ITGA6: variants seen among roughly 807,000 people sequenced by gnomAD.
ITGA6 encodes the protein integrin alpha-6.
A neutral mutation model predicts 133.6 loss-of-function variants in ITGA6; 63 were observed. That is an observed-to-expected ratio of 0.47 (90% CI 0.38 to 0.58). ITGA6 has a LOEUF of 0.58. Ranked by LOEUF, ITGA6 falls within the 20% of genes least tolerant of loss-of-function variation. The pLI is 0.00. For synonymous variants in ITGA6, 434 were observed against 482.0 expected, an observed-to-expected ratio of 0.90 and a Z score of 1.30; for missense variants, 1,068 against 1,309.4, an observed-to-expected ratio of 0.82 and a Z score of 2.85.
rs1685110534 is a variant in ITGA6, at chr2:172,454,043, G to A, written c.183-11496G>A. On this transcript the variant is annotated intron_variant, in intron 1 of 25. Coordinates refer to ENST00000684293, the MANE Select transcript of ITGA6 (RefSeq NM_000210.4). ...GGCAAATGATAATTATAAGAGATGGGACCTGAACTAGCCTGGAAAGTGGGA... is the reference window on the plus strand; with the variant it reads ...GGCAAATGATAATTATAAGAGATGGAACCTGAACTAGCCTGGAAAGTGGGA... Among the ~76,000 whole-genome samples the A allele has an allele frequency of 2.0e-5, 3 of 151,840 alleles. No individual in the cohort carries two copies. The South Asian group carries it at 6.2e-4, about 32-fold the overall frequency.
At chr2:172,472,871 G>A (rs1686005520) in intron 5 of ITGA6, 2 of 1,605,136 alleles carry the variant, frequency 1.2e-6, no homozygotes, top group Admixed American at 1.7e-5. Flanking sequence ...TCCCTGATGT[G>A]ATGATGAATA....
chr2:172,501,922 A>C (rs1195992188), intron 25 of ITGA6, 21 bp downstream of exon 25: 9 of 1,603,798 alleles, frequency 5.6e-6, no homozygotes, highest in East Asian at 2.2e-5. Flanking sequence ...AATGTTTTTT[A>C]ATTGCTAGCT....
chr2:172,453,478 C>T lies in ITGA6; in HGVS notation c.183-12061C>T, dbSNP rs990735489. Among the ~76,000 whole-genome samples, 8 of 152,242 alleles carry T rather than the reference C, an allele frequency of 5.3e-5. No individual in the cohort carries two copies. In the South Asian group the frequency reaches 6.2e-4, roughly 12 times the overall value. ...AGGTGGTTGCAGTGAGCCATGATTA[C>T]GCACTGCCCTCCAGCCTGGGCAACA... On this transcript the variant is annotated intron_variant, in intron 1 of 25. Transcript: ENST00000684293.
Position 172,442,016 on chromosome 2 carries a change from A to G in ITGA6, c.182+14046A>G, listed in dbSNP as rs549157044. Among the ~76,000 whole-genome samples, 5 of 152,306 alleles carry G rather than the reference A, an allele frequency of 3.3e-5. No individual in the cohort carries two copies. The South Asian group carries it at 1.0e-3, about 32-fold the overall frequency. On this transcript the variant is annotated intron_variant, in intron 1 of 25. Transcript: ENST00000684293. Reference sequence around the variant, plus strand: ...CTTGTCCAGATCTCTTTCTCATCATAGAGAGGTACCATCCTGAGTTGCTCA... The same window carrying G: ...CTTGTCCAGATCTCTTTCTCATCATGGAGAGGTACCATCCTGAGTTGCTCA...
intron 6 of ITGA6, among the ~76,000 whole-genome samples, chr2:172,474,718 C>T (rs757686028): frequency 3.9e-5 from 6 of 152,102 alleles, no homozygotes; most frequent in Non-Finnish European, 5.9e-5. Context: ...GGTTCTAACT[C>T]GAGAAATTGG....
rs764198945 is a variant in ITGA6, at chr2:172,491,381, A to G, written c.2890-44A>G. ...CCATGGAAGTAATTTGCCTTTGCCT[A>G]GGACACTTTTCACTTCCCTAATGCA... On this transcript the variant is annotated intron_variant, in intron 22 of 25. Transcript: ENST00000684293. This position sits in a 1 kb window ranked among gnomAD's most constrained non-coding sequence, Gnocchi z 4.4. 4 of 1,577,790 alleles carry G rather than the reference A, an allele frequency of 2.5e-6. No individual in the cohort carries two copies. The highest frequency in any genetic ancestry group is 2.6e-6 in the Non-Finnish European group (3 of 1,146,998).
At chr2:172,470,854 T>A in intron 4 of ITGA6, 120 bp from the exon 5 acceptor site, 1 of 977,556 alleles carries the variant, frequency 1.0e-6, no homozygotes, top group South Asian at 1.5e-5. Context: ...CCTTCCTTTT[T>A]TTCCTCCAAA....
At chr2:172,460,549 TAATC>T (rs1433135678) in intron 1 of ITGA6, among the ~76,000 whole-genome samples, 4 of 152,228 alleles carry the variant, frequency 2.6e-5, no homozygotes, top group South Asian at 2.1e-4. Flanking sequence ...ACATATATAA[TAATC>T]CAGAATTATG....
chr2:172,497,502 CAAAAAAA>C (rs34616494), intron 23 of ITGA6, among the ~76,000 whole-genome samples: 2 of 89,520 alleles, frequency 2.2e-5, no homozygotes, highest in Admixed American at 1.2e-4. Context: ...ACCCTGTCTC[CAAAAAAA>C]AAAAAAAAAA....
chr2:172,479,090 A>G (rs9784165), intron 9 of ITGA6, among the ~76,000 whole-genome samples: 3,094 of 152,280 alleles, frequency 0.02, 114 homozygotes, highest in African/African-American at 0.07. Flanking sequence ...AGAAAGCTCA[A>G]CAACGTGAAT....
intron 1 of ITGA6, among the ~76,000 whole-genome samples, chr2:172,445,764 G>A (rs1414848313): frequency 6.6e-6 from 1 of 151,996 alleles, no homozygotes; most frequent in Non-Finnish European, 1.5e-5. Flanking sequence ...CTGAGGTGTT[G>A]GGACCCAGGA....
At chr2:172,428,454 C>G (rs888529364) in intron 1 of ITGA6, 1 of 151,246 alleles carries the variant, frequency 6.6e-6, no homozygotes, top group African/African-American at 2.4e-5. Flanking sequence ...TGGCGCGCCC[C>G]GCACAAGTTG....
intron 11 of ITGA6, 102 bp from the exon 12 acceptor site, chr2:172,484,680 A>C: frequency 1.1e-6 from 1 of 946,366 alleles, no homozygotes. Flanking sequence ...AACAATGGCA[A>C]TGTTTTCTAC....
chr2:172,465,660 G>C lies in ITGA6; in HGVS notation c.304G>C (p.Asp102His). The C allele has an allele frequency of 1.2e-6, 2 of 1,614,158 alleles. No individual in the cohort carries two copies. Among genetic ancestry groups the C allele is most frequent in the African/African-American group, 2.7e-5 (2 of 75,062 alleles). ...ATGCACGCGGATCGAGTTTGATAAC[G>C]ATGGTGCGTTCCTTTCCCTCACTCA... ...GPCTRIEFDN[D>H]ADPTSESKED... The change falls in exon 2 of 26, where the codon GAT becomes CAT. Residue 102 changes from aspartate (D) to histidine (H), a missense_variant. Asp to His is a moderately conservative substitution (Grantham distance 81). This residue lies in a region of ITGA6 where 142 missense variants were observed against 145.3 expected (regional missense o/e 0.98). Transcript: ENST00000684293.
At position 172,470,971 on chromosome 2, in the gene ITGA6, TA is replaced by T. The variant is rs1320107188; in HGVS notation, c.644-2del. On this transcript the variant is annotated splice_acceptor_variant, in intron 4 of 25. Transcript: ENST00000684293. LOFTEE classifies it high-confidence loss of function. Reference sequence around the variant, plus strand: ...TGTTGTTTTTACCATTTCATTCCTTTAGGGATTGTTCGTGTAGAGCAAAAGA... The same window carrying T: ...TGTTGTTTTTACCATTTCATTCCTTTGGGATTGTTCGTGTAGAGCAAAAGA... 6.2e-7 allele frequency: 1 copy of T among 1,613,970 alleles called. No homozygotes were observed. Among genetic ancestry groups the T allele is most frequent in the Non-Finnish European group, 8.5e-7 (1 of 1,179,778 alleles).
chr2:172,438,921 G>A (rs1684430681), intron 1 of ITGA6, among the ~76,000 whole-genome samples: 1 of 151,954 alleles, frequency 6.6e-6, no homozygotes, highest in Admixed American at 6.6e-5. Flanking sequence ...TTGGAAGAAG[G>A]AAGAGAAGAT....
intron 1 of ITGA6, among the ~76,000 whole-genome samples, chr2:172,440,973 T>C (rs1205280402): frequency 2.0e-5 from 3 of 152,174 alleles, no homozygotes; most frequent in African/African-American, 4.8e-5. Flanking sequence ...GGAACACCAA[T>C]TGGACTAACA....
chr2:172,498,573 C>A (rs889668367), intron 24 of ITGA6, among the ~76,000 whole-genome samples: 1 of 152,186 alleles, frequency 6.6e-6, no homozygotes, highest in Non-Finnish European at 1.5e-5. Flanking sequence ...ATAACTCTAT[C>A]TCAAGGGGGT....
chr2:172,480,632 G>A (rs1219627788), intron 11 of ITGA6, among the ~76,000 whole-genome samples: 1 of 152,158 alleles, frequency 6.6e-6, no homozygotes, highest in South Asian at 2.1e-4. Flanking sequence ...GACCCACAGG[G>A]CAAGTCCCTT....
Sources: allele counts gnomAD v4.1 joint callset (sites outside exome capture counted in the v4.1 genomes callset), GRCh38; gene constraint gnomAD v4.1.1; regional missense constraint gnomAD v4.1.1; non-coding constraint Gnocchi (gnomAD v3.1); transcripts MANE v1.5; gene names NCBI Gene and HGNC (gene_info 2026-07-23, HGNC 2026-07-21).